DOCK8: variants seen among roughly 807,000 people sequenced by gnomAD.
DOCK8 encodes dedicator of cytokinesis protein 8.
A neutral mutation model predicts 245.6 loss-of-function variants in DOCK8; 141 were observed. The ratio of observed to expected loss-of-function variants is 0.57; its 90% confidence interval spans 0.50 to 0.66. The LOEUF (loss-of-function observed/expected upper bound fraction) is 0.66. Ranked by LOEUF, DOCK8 falls within the 30% of genes least tolerant of loss-of-function variation. The probability of loss-of-function intolerance (pLI) is 0.00; values close to 1 mark genes in which losing one functional copy is unlikely to be tolerated. For missense variants in DOCK8, 2,965 were observed against 2,603.4 expected, an observed-to-expected ratio of 1.14 and a Z score of -3.02; for synonymous variants, 1,168 against 970.2, an observed-to-expected ratio of 1.20 and a Z score of -3.79.
chr9:281,731 C>G (rs995004713), intron 2 of DOCK8, among the ~76,000 whole-genome samples: 5 of 151,972 alleles, frequency 3.3e-5, no homozygotes, highest in Admixed American at 2.0e-4. Context: ...GAACAGAAAT[C>G]TTTTTTAGTT....
intron 9 of DOCK8, 54 bp from the exon 10 acceptor site, chr9:332,344 C>A: frequency 1.6e-6 from 2 of 1,231,298 alleles, no homozygotes; most frequent in Non-Finnish European, 2.4e-6. Flanking sequence ...TGCATAGATT[C>A]CTTTTTATGG....
chr9:250,940 C>A (rs984521248), intron 1 of DOCK8, among the ~76,000 whole-genome samples: 3 of 152,094 alleles, frequency 2.0e-5, no homozygotes, highest in Non-Finnish European at 4.4e-5. Context: ...AACTCGAGCT[C>A]AGGGGAAGGG....
Position 376,289 on chromosome 9 carries a change from C to T in DOCK8, c.2189C>T (p.Ser730Phe). The change falls in exon 19 of 48, where the codon TCT (serine) becomes TTT (phenylalanine). Residue 730 changes from serine to phenylalanine, a missense_variant. By Grantham distance (155) the Ser-to-Phe change is radical. This residue lies in a region of DOCK8 where 2,825 missense variants were observed against 2,453.5 expected (regional missense o/e 1.15). Coordinates refer to ENST00000432829, the MANE Select transcript of DOCK8 (RefSeq NM_203447.4). The stretch of plus-strand genomic sequence containing the variant: ...TTTAATATTGAAGTGCAAGCTGTTT[C>T]TTCTGTACACACCCAGGTAAGGAAT... Reference protein sequence around the residue: ...GVFNIEVQAVSSVHTQDNHLE... With the variant: ...GVFNIEVQAVFSVHTQDNHLE... The T allele has an allele frequency of 6.2e-7, 1 of 1,611,274 alleles. No individual in the cohort carries two copies. Among genetic ancestry groups the T allele is most frequent in the Non-Finnish European group, 8.5e-7 (1 of 1,177,506 alleles).
In DOCK8 at chr9:319,264, C is replaced by T. The variant is rs139556018; in HGVS notation, c.827+2136C>T. On this transcript the variant is annotated intron_variant, in intron 7 of 47. Coordinates refer to ENST00000432829, the MANE Select transcript of DOCK8 (RefSeq NM_203447.4). ...TGCCACTGTATTCCAGCCTGAGTGA[C>T]AGAGTGAGACCCTGTCTCTAAAATT... 4.0e-3 allele frequency among the ~76,000 whole-genome samples: 612 copies of T among 152,296 alleles called. 3 individuals carry two copies. The highest frequency in any genetic ancestry group is 0.014 in the African/African-American group (584 of 41,548).
chr9:335,599 G>C (rs2051272265), intron 11 of DOCK8, among the ~76,000 whole-genome samples: 1 of 151,988 alleles, frequency 6.6e-6, no homozygotes, highest in Non-Finnish European at 1.5e-5. Context: ...TTTCTTTAAT[G>C]CCGTCTATGT....
intron 2 of DOCK8, among the ~76,000 whole-genome samples, chr9:272,137 A>T (rs1262784986): frequency 1.3e-5 from 2 of 152,238 alleles, no homozygotes; most frequent in African/African-American, 4.8e-5. Flanking sequence ...TTTTCTTGCT[A>T]GTATAATTTA....
chr9:359,680 A>G (rs2052624039), intron 14 of DOCK8, among the ~76,000 whole-genome samples: 1 of 152,144 alleles, frequency 6.6e-6, no homozygotes, highest in Non-Finnish European at 1.5e-5. Flanking sequence ...TCTATTTACA[A>G]CAAATTGCTA....
intron 14 of DOCK8, among the ~76,000 whole-genome samples, chr9:343,312 G>T (rs1340765901): frequency 6.6e-6 from 1 of 152,016 alleles, no homozygotes; most frequent in African/African-American, 2.4e-5. Context: ...GGGCAACATA[G>T]TGAGACCCCC....
chr9:314,952 T>G (rs1395922374), intron 6 of DOCK8, among the ~76,000 whole-genome samples: 1 of 152,182 alleles, frequency 6.6e-6, no homozygotes, highest in African/African-American at 2.4e-5. Context: ...CTTTCCCTAA[T>G]TCATTCTGAG....
Position 225,044 on chromosome 9 carries a change from C to T in DOCK8, c.53+10015C>T, listed in dbSNP as rs564367442. ...GGGGTATCCAATTTACCTCCTGTAC[C>T]TTATTCTCTGTCCAATAATTTCACT... On this transcript the variant is annotated intron_variant, in intron 1 of 47. Transcript: ENST00000432829. Among the ~76,000 whole-genome samples, 11 of 152,296 alleles carry T rather than the reference C, an allele frequency of 7.2e-5. No individual in the cohort carries two copies. The South Asian group carries it at 2.3e-3, about 32-fold the overall frequency.
intron 14 of DOCK8, among the ~76,000 whole-genome samples, chr9:353,702 C>T (rs539932024): frequency 1.3e-5 from 2 of 152,200 alleles, no homozygotes; most frequent in East Asian, 3.9e-4. Flanking sequence ...ACAGCATAGT[C>T]CAGATTTGGA....
At chr9:282,407 C>CAT (rs1586588929) in intron 2 of DOCK8, among the ~76,000 whole-genome samples, 1 of 134,422 alleles carries the variant, frequency 7.4e-6, no homozygotes, top group Non-Finnish European at 1.6e-5. Flanking sequence ...CTTTTTGTTT[C>CAT]GTTTTGTTTT....
At chr9:307,590 T>A (rs920516962) in intron 5 of DOCK8, among the ~76,000 whole-genome samples, 2 of 151,980 alleles carry the variant, frequency 1.3e-5, no homozygotes, top group Admixed American at 1.3e-4. Flanking sequence ...ACTCCTGACC[T>A]CAGGTGATCC....
At chr9:458,122 A>T (rs1211759283) in intron 46 of DOCK8, 1 of 152,226 alleles carries the variant, frequency 6.6e-6, no homozygotes, top group Non-Finnish European at 1.5e-5. Context: ...CTCACATTAA[A>T]TAAGATTGGA....
At chr9:284,394 A>G (rs141804582) in intron 2 of DOCK8, 13 of 152,226 alleles carry the variant, frequency 8.5e-5, no homozygotes, top group African/African-American at 3.1e-4. Flanking sequence ...TGTAAGGACT[A>G]TAGTCCTCTC....
intron 7 of DOCK8, among the ~76,000 whole-genome samples, chr9:323,218 C>CTTTTTT: frequency 1.5e-5 from 1 of 67,216 alleles, no homozygotes; most frequent in Non-Finnish European, 2.6e-5. Flanking sequence ...AATCTACCAT[C>CTTTTTT]TTTTTTTTTT....
chr9:221,965 G>A (rs987391710), intron 1 of DOCK8, among the ~76,000 whole-genome samples: 2 of 151,550 alleles, frequency 1.3e-5, no homozygotes, highest in Non-Finnish European at 2.9e-5. Flanking sequence ...CATGAAGATA[G>A]GTTCCAGGCT....
At chr9:408,177 A>G (rs1010347380) in intron 28 of DOCK8, among the ~76,000 whole-genome samples, 3 of 152,226 alleles carry the variant, frequency 2.0e-5, no homozygotes, top group Non-Finnish European at 4.4e-5. Flanking sequence ...GAATTTCTCA[A>G]GTTCTCTCAA....
intron 35 of DOCK8, among the ~76,000 whole-genome samples, chr9:429,075 C>G (rs1031031613): frequency 6.6e-6 from 1 of 152,196 alleles, no homozygotes; most frequent in African/African-American, 2.4e-5. Flanking sequence ...TCAAGCGATT[C>G]TCATGCCTCA....
Sources: allele counts gnomAD v4.1 joint callset (sites outside exome capture counted in the v4.1 genomes callset), GRCh38; gene constraint gnomAD v4.1.1; regional missense constraint gnomAD v4.1.1; transcripts MANE v1.5; gene names NCBI Gene and HGNC (gene_info 2026-07-23, HGNC 2026-07-21).